The following CDC14A variants were observed in gnomAD, a reference collection of about 807,000 sequenced individuals.
The protein encoded by CDC14A is cell division cycle 14A.
In CDC14A, 53 loss-of-function variants were observed where a neutral mutation model predicts 74.4. The ratio of observed to expected loss-of-function variants is 0.71; its 90% CI spans 0.57 to 0.89. The LOEUF is 0.89. CDC14A is among the 40% of genes least tolerant of loss of function. The pLI, the probability that CDC14A is intolerant of heterozygous loss-of-function variation, is 0.00. For missense variants in CDC14A, 646 were observed against 713.7 expected (o/e 0.91, Z 1.08); for synonymous variants, 247 against 258.4 (o/e 0.96, Z 0.43).
intron 15 of CDC14A, among the ~76,000 whole-genome samples, chr1:100,515,939 CA>C (rs1650180135): frequency 6.6e-6 from 1 of 152,134 alleles, no homozygotes; most frequent in Non-Finnish European, 1.5e-5. Flanking sequence ...ACTGGTGGGA[CA>C]GAAGGTCAAT....
chr1:100,486,632 A>G (rs61811406), intron 11 of CDC14A, among the ~76,000 whole-genome samples: 16,730 of 152,284 alleles, frequency 0.11, 1,239 homozygotes, highest in Middle Eastern at 0.2. Context: ...TCTTAATGCC[A>G]TCACCTTGTG....
rs77899719 is a variant in CDC14A, at chr1:100,408,692, A to G, written c.310-15530A>G. Among the ~76,000 whole-genome samples, 555 of 152,008 alleles carry G rather than the reference A, an allele frequency of 3.7e-3. 1 individual carries two copies. The highest frequency in any genetic ancestry group is 6.3e-3 in the Non-Finnish European group (430 of 67,934). ...TCAGTGATACTGAGCTTTTTTTCTT[A>G]TGCTTGTTGACTGCATGTATGTCGT... On this transcript the variant is annotated intron_variant, in intron 4 of 15. Transcript: ENST00000336454.
At chr1:100,424,363 G>A in intron 5 of CDC14A, 62 bp downstream of exon 5, 1 of 1,142,876 alleles carries the variant, frequency 8.7e-7, no homozygotes, top group Non-Finnish European at 1.3e-6. Flanking sequence ...TTTAGAGTTG[G>A]GTTGTAGTGT....
chr1:100,420,066 A>ATT (rs1662151015), intron 4 of CDC14A, among the ~76,000 whole-genome samples: 1 of 111,040 alleles, frequency 9.0e-6, no homozygotes, highest in African/African-American at 3.3e-5. Flanking sequence ...ACACACACAT[A>ATT]TATATATATA....
At chr1:100,405,160 G>A (rs1202368260) in intron 4 of CDC14A, among the ~76,000 whole-genome samples, 1 of 152,050 alleles carries the variant, frequency 6.6e-6, no homozygotes, top group Non-Finnish European at 1.5e-5. Flanking sequence ...TTTCTCCCTA[G>A]TTTTTCTGCC....
intron 4 of CDC14A, among the ~76,000 whole-genome samples, chr1:100,391,818 A>G (rs1657747082): frequency 6.6e-6 from 1 of 152,232 alleles, no homozygotes; most frequent in Non-Finnish European, 1.5e-5. Flanking sequence ...AGAGTGGCAG[A>G]CTGTCAGCCA....
At chr1:100,428,755 A>G (rs999610961) in intron 5 of CDC14A, among the ~76,000 whole-genome samples, 1 of 152,232 alleles carries the variant, frequency 6.6e-6, no homozygotes, top group Non-Finnish European at 1.5e-5. Flanking sequence ...AACATTGAAA[A>G]GATAACCAAT....
intron 5 of CDC14A, among the ~76,000 whole-genome samples, chr1:100,425,686 G>A (rs1187433217): frequency 6.6e-6 from 1 of 152,210 alleles, no homozygotes; most frequent in African/African-American, 2.4e-5. Context: ...ATCAGCCGTG[G>A]AAGGGCAAAT....
At chr1:100,466,914 T>C (rs1667887301) in intron 9 of CDC14A, among the ~76,000 whole-genome samples, 1 of 149,074 alleles carries the variant, frequency 6.7e-6, no homozygotes, top group Non-Finnish European at 1.5e-5. Flanking sequence ...GAAGGAAATG[T>C]CAGGCATCTG....
At chr1:100,498,045 A>T in intron 13 of CDC14A, 40 bp from the exon 14 acceptor site, 3 of 1,591,068 alleles carry the variant, frequency 1.9e-6, no homozygotes, top group Non-Finnish European at 2.6e-6. Context: ...TTAAGATAAG[A>T]CTACTTTATT....
At chr1:100,487,581 A>G (rs577287004) in intron 11 of CDC14A, among the ~76,000 whole-genome samples, 201 of 137,404 alleles carry the variant, frequency 1.5e-3, no homozygotes, top group African/African-American at 6.5e-3. Flanking sequence ...AGAACAAAAC[A>G]AAACAAAACA....
intron 7 of CDC14A, among the ~76,000 whole-genome samples, chr1:100,449,842 C>T (rs905827183): frequency 1.3e-5 from 2 of 152,124 alleles, no homozygotes; most frequent in Non-Finnish European, 2.9e-5. Context: ...TAGCACATTT[C>T]AAGATATTTT....
At position 100,473,241 on chromosome 1, in the gene CDC14A, C is replaced by T. The variant is rs1668559064; in HGVS notation, c.977+5147C>T. Among the ~76,000 whole-genome samples the T allele has an allele frequency of 2.0e-5, 3 of 151,984 alleles. No homozygotes were observed. In the South Asian group the frequency reaches 6.2e-4, roughly 31 times the overall value. ...TATTTAGATCTTCTTTGATTTCTTT[C>T]ATCAGCATTGTGTAGTTTTCTGGAT... On this transcript the variant is annotated intron_variant, in intron 10 of 15. Transcript: ENST00000336454.
At chr1:100,370,637 T>A (rs1184634273) in intron 2 of CDC14A, among the ~76,000 whole-genome samples, 1 of 152,210 alleles carries the variant, frequency 6.6e-6, no homozygotes, top group East Asian at 1.9e-4. Flanking sequence ...CAGGTTTATT[T>A]CGGGGTTCTC....
chr1:100,429,104 T>C (rs1425310976), intron 5 of CDC14A, among the ~76,000 whole-genome samples: 6 of 151,862 alleles, frequency 4.0e-5, no homozygotes, highest in Non-Finnish European at 8.8e-5. Context: ...CTCGGGAGGC[T>C]GAGGCAGGAG....
intron 11 of CDC14A, chr1:100,485,402 A>C: frequency 1.4e-6 from 1 of 722,750 alleles, no homozygotes; most frequent in Non-Finnish European, 1.7e-6. Context: ...GGACCTGTTC[A>C]AAATAGTGGA....
intron 15 of CDC14A, among the ~76,000 whole-genome samples, chr1:100,517,329 A>G (rs1313731657): frequency 6.6e-6 from 1 of 152,236 alleles, no homozygotes; most frequent in Admixed American, 6.5e-5. Context: ...TTACAGACTA[A>G]TTTGAGAAAT....
chr1:100,417,839 T>A (rs1661728588), intron 4 of CDC14A, among the ~76,000 whole-genome samples: 1 of 152,224 alleles, frequency 6.6e-6, no homozygotes, highest in African/African-American at 2.4e-5. Flanking sequence ...CCTTATATGT[T>A]TAAAGTAGCT....
chr1:100,351,950 C>A, upstream of CDC14A: 1 of 724,626 alleles, frequency 1.4e-6, no homozygotes, highest in Non-Finnish European at 2.3e-6. Context: ...CGAGGCAGGG[C>A]ACGGAGATCT....
Sources: gnomAD v4.1 joint callset for allele counts (sites outside exome capture counted in the v4.1 genomes callset) on GRCh38, gnomAD v4.1.1 for gene constraint, MANE v1.5 for transcripts, NCBI Gene and HGNC (gene_info 2026-07-23, HGNC 2026-07-21) for gene names.